The following CNTNAP2 variants were observed in gnomAD, a reference collection of about 807,000 sequenced individuals.
The protein encoded by CNTNAP2 is contactin associated protein 2.
In CNTNAP2, 98 loss-of-function variants were observed where a neutral mutation model predicts 155.2. The ratio of observed to expected loss-of-function variants is 0.63; its 90% confidence interval spans 0.54 to 0.75. The LOEUF (loss-of-function observed/expected upper bound fraction) is 0.75. Ranked by LOEUF, CNTNAP2 falls within the 30% of genes least tolerant of loss-of-function variation. The probability of loss-of-function intolerance (pLI) is 0.00; values close to 1 mark genes in which losing one functional copy is unlikely to be tolerated. For synonymous variants in CNTNAP2, 651 were observed against 631.2 expected, an observed-to-expected ratio of 1.03 and a Z score of -0.47; for missense variants, 1,727 against 1,688.1, an observed-to-expected ratio of 1.02 and a Z score of -0.40.
Position 148,331,761 on chromosome 7 carries a change from G to GA in CNTNAP2, c.3476-51887dup, listed in dbSNP as rs1426424861. On this transcript the variant is annotated intron_variant, in intron 21 of 23. Transcript: ENST00000361727. ...AGTGGATGGATGGAACGGACGGATG[G>GA]ATTGGATGGATGGAATGGACAGATG... Among the ~76,000 whole-genome samples, 440 of 143,450 alleles carry GA rather than the reference G, an allele frequency of 3.1e-3. 61 individuals carry two copies. The highest frequency in any genetic ancestry group is 4.7e-3 in the African/African-American group (181 of 38,382). 94.1% of individuals were successfully genotyped at this position (143,450 alleles called of 152,430 possible).
chr7:146,814,349 T>A (rs975383435), intron 2 of CNTNAP2, among the ~76,000 whole-genome samples: 1 of 152,136 alleles, frequency 6.6e-6, no homozygotes, highest in Non-Finnish European at 1.5e-5. Context: ...TAATATCTAC[T>A]TTTTTAGGGC....
chr7:148,362,838 C>T (rs986861045), intron 21 of CNTNAP2, among the ~76,000 whole-genome samples: 1 of 152,216 alleles, frequency 6.6e-6, no homozygotes. Context: ...TGGTCTCCAA[C>T]TTATGATGGT....
intron 2 of CNTNAP2, among the ~76,000 whole-genome samples, chr7:146,777,321 T>C (rs1367645118): frequency 6.6e-6 from 1 of 152,206 alleles, no homozygotes; most frequent in Non-Finnish European, 1.5e-5. Context: ...TAATGACATA[T>C]AACTCGCCCT....
At chr7:146,378,896 A>C (rs1051048883) in intron 1 of CNTNAP2, among the ~76,000 whole-genome samples, 10 of 152,254 alleles carry the variant, frequency 6.6e-5, no homozygotes, top group African/African-American at 2.2e-4. Context: ...ATTTTAGAGA[A>C]ATCAAGAAAG....
At chr7:147,631,658 GA>G (rs1433160607) in intron 12 of CNTNAP2, among the ~76,000 whole-genome samples, 1 of 152,122 alleles carries the variant, frequency 6.6e-6, no homozygotes, top group Non-Finnish European at 1.5e-5. Flanking sequence ...ACAAAATAGA[GA>G]ATCCAGAAAT....
At chr7:146,901,484 T>C (rs1177291410) in intron 3 of CNTNAP2, among the ~76,000 whole-genome samples, 2 of 152,176 alleles carry the variant, frequency 1.3e-5, no homozygotes, top group African/African-American at 4.8e-5. Flanking sequence ...ATGTTCTAAA[T>C]AATGGAACAT....
At chr7:146,692,413 A>G (rs1800713372) in intron 1 of CNTNAP2, among the ~76,000 whole-genome samples, 1 of 152,182 alleles carries the variant, frequency 6.6e-6, no homozygotes, top group Non-Finnish European at 1.5e-5. Flanking sequence ...AAACTGCATA[A>G]GCATCTAATC....
At chr7:148,165,872 G>A (rs977587926) in intron 17 of CNTNAP2, among the ~76,000 whole-genome samples, 17 of 152,136 alleles carry the variant, frequency 1.1e-4, no homozygotes, top group African/African-American at 4.1e-4. Flanking sequence ...CTTTCCTGAC[G>A]CCTTTCACTC....
intron 8 of CNTNAP2, among the ~76,000 whole-genome samples, chr7:147,288,827 T>A (rs1030452647): frequency 1.3e-5 from 2 of 152,220 alleles, no homozygotes; most frequent in Admixed American, 6.5e-5. Flanking sequence ...AATGCCACTC[T>A]ATAATGTCTT....
At chr7:146,475,406 T>C (rs2129127440) in intron 1 of CNTNAP2, among the ~76,000 whole-genome samples, 2 of 152,206 alleles carry the variant, frequency 1.3e-5, no homozygotes, top group East Asian at 3.9e-4. Flanking sequence ...ATCTTGAGGA[T>C]GAGAAGAGAC....
At chr7:146,886,663 T>A (rs1795669611) in intron 3 of CNTNAP2, among the ~76,000 whole-genome samples, 1 of 151,766 alleles carries the variant, frequency 6.6e-6, no homozygotes, top group Non-Finnish European at 1.5e-5. Flanking sequence ...TAGTATTCTG[T>A]ATGCTTAGTG....
At chr7:146,609,383 A>G (rs986993754) in intron 1 of CNTNAP2, among the ~76,000 whole-genome samples, 2 of 152,202 alleles carry the variant, frequency 1.3e-5, no homozygotes, top group Non-Finnish European at 2.9e-5. Flanking sequence ...TTTTTCTTCC[A>G]CATAGTCCAA....
intron 3 of CNTNAP2, among the ~76,000 whole-genome samples, chr7:146,966,321 C>T (rs924718687): frequency 6.6e-5 from 10 of 152,136 alleles, no homozygotes; most frequent in Non-Finnish European, 8.8e-5. Flanking sequence ...GGTTATCACC[C>T]ATGCCTGTAC....
intron 4 of CNTNAP2, among the ~76,000 whole-genome samples, chr7:147,095,030 T>C (rs1054317784): frequency 2.0e-5 from 3 of 151,852 alleles, no homozygotes; most frequent in Non-Finnish European, 2.9e-5. Context: ...TTTTTGTTTT[T>C]GTTTTTAGAG....
chr7:148,285,718 G>A (rs1026505697), intron 21 of CNTNAP2, among the ~76,000 whole-genome samples: 1 of 152,174 alleles, frequency 6.6e-6, no homozygotes, highest in South Asian at 2.1e-4. Context: ...ATGATTCCAG[G>A]GTGGGTCTTT....
intron 16 of CNTNAP2, among the ~76,000 whole-genome samples, chr7:148,120,494 T>TG (rs1377164294): frequency 6.6e-6 from 1 of 152,060 alleles, no homozygotes; most frequent in South Asian, 2.1e-4. Context: ...CTCAAACCCC[T>TG]GGGCTCAGGC....
intron 14 of CNTNAP2, among the ~76,000 whole-genome samples, chr7:147,928,320 G>T (rs1800435503): frequency 6.6e-6 from 1 of 152,068 alleles, no homozygotes; most frequent in South Asian, 2.1e-4. Context: ...TCAAAGTGAG[G>T]GATGGTGAAC....
At chr7:146,735,237 GT>G (rs554684434) in intron 1 of CNTNAP2, among the ~76,000 whole-genome samples, 196 of 152,164 alleles carry the variant, frequency 1.3e-3, no homozygotes, top group African/African-American at 4.5e-3. Context: ...AGTCAATATG[GT>G]TTTACATTAG....
At chr7:148,233,460 G>A (rs913734090) in intron 20 of CNTNAP2, among the ~76,000 whole-genome samples, 22 of 152,302 alleles carry the variant, frequency 1.4e-4, no homozygotes, top group African/African-American at 5.3e-4. Flanking sequence ...ATTTGACTGT[G>A]AACTTCTCGG....
Sources: gnomAD v4.1 joint callset for allele counts (sites outside exome capture counted in the v4.1 genomes callset) on GRCh38, gnomAD v4.1.1 for gene constraint, MANE v1.5 for transcripts, NCBI Gene and HGNC (gene_info 2026-07-23, HGNC 2026-07-21) for gene names.